SYNPO2: variants seen among roughly 807,000 people sequenced by gnomAD.
SYNPO2 encodes synaptopodin 2, also known as synaptopodin-2.
In SYNPO2, 56 loss-of-function variants were observed where a neutral mutation model predicts 85.0. The observed-to-expected ratio is 0.66, with a 90% CI of 0.53 to 0.82. SYNPO2 has a LOEUF of 0.82. Among genes scored for constraint, SYNPO2 ranks in the 40% least tolerant of loss-of-function variants. The pLI is 0.00. For missense variants in SYNPO2, 1,575 were observed against 1,534.2 expected, an observed-to-expected ratio of 1.03 and a Z score of -0.44; for synonymous variants, 602 against 591.1, an observed-to-expected ratio of 1.02 and a Z score of -0.27.
At chr4:118,977,060 C>T (rs1735788178) in intron 1 of SYNPO2, among the ~76,000 whole-genome samples, 1 of 152,252 alleles carries the variant, frequency 6.6e-6, no homozygotes, top group South Asian at 2.1e-4. Context: ...CATTCCTCAG[C>T]CCTTGGGTGG....
intron 4 of SYNPO2, among the ~76,000 whole-genome samples, chr4:119,039,209 A>T (rs962412193): frequency 2.6e-5 from 4 of 152,190 alleles, no homozygotes; most frequent in Non-Finnish European, 4.4e-5. Context: ...TCCCACTTTA[A>T]GATGAGAAAA....
At chr4:118,919,693 A>G (rs532172543) in intron 1 of SYNPO2, among the ~76,000 whole-genome samples, 8 of 152,316 alleles carry the variant, frequency 5.3e-5, no homozygotes, top group African/African-American at 1.9e-4. Flanking sequence ...AGAAGGTGGA[A>G]TATATAGCTC....
At chr4:118,873,959 T>A (rs1731851585) in intron 1 of SYNPO2, among the ~76,000 whole-genome samples, 1 of 152,040 alleles carries the variant, frequency 6.6e-6, no homozygotes, top group Non-Finnish European at 1.5e-5. Context: ...CACCGGCATT[T>A]ATTAAAAAGA....
At position 118,929,544 on chromosome 4, in the gene SYNPO2, TAGA is replaced by T. The variant is rs148144340; in HGVS notation, c.105+40408_105+40410del. ...TGAAGAGCTGTCTTTTAGTTTTTAATAGAAGAACTTGTACTTCATTTATTCTTC... is the reference window on the plus strand; with the variant it reads ...TGAAGAGCTGTCTTTTAGTTTTTAATAGAACTTGTACTTCATTTATTCTTC... On this transcript the variant is annotated intron_variant, in intron 1 of 4. Transcript: ENST00000307142. 8.2e-3 allele frequency among the ~76,000 whole-genome samples: 1,249 copies of T among 152,314 alleles called. 11 individuals are homozygous for T. The highest frequency in any genetic ancestry group is 0.028 in the African/African-American group (1,172 of 41,590).
chr4:119,025,029 A>G (rs1384853409), intron 2 of SYNPO2, among the ~76,000 whole-genome samples: 1 of 152,208 alleles, frequency 6.6e-6, no homozygotes, highest in East Asian at 1.9e-4. Context: ...ATGAATACCT[A>G]TGTAGACTGA....
chr4:119,057,662 C>T lies in SYNPO2; in HGVS notation c.3514C>T (p.Pro1172Ser), dbSNP rs149244097. The T allele has an allele frequency of 7.7e-5, 125 of 1,614,098 alleles. No individual in the cohort carries two copies. The highest frequency in any genetic ancestry group is 1.0e-4 in the Non-Finnish European group (122 of 1,180,038). ...SAARRKVLPGPPEDWNERLSY... is the reference protein window; with the variant it reads ...SAARRKVLPGSPEDWNERLSY... The stretch of plus-strand genomic sequence containing the variant: ...AGCTCGGAGGAAGGTGCTTCCAGGG[C>T]CTCCAGAGGATTGGAATGAAAGACT... The change falls in exon 5 of 5, where the codon CCT (proline) becomes TCT (serine). Residue 1172 changes from proline (P) to serine (S), a missense_variant. Pro to Ser is a moderately conservative substitution (Grantham distance 74). This residue lies in a region of SYNPO2 where 1,508 missense variants were observed against 1,446.8 expected (regional missense o/e 1.04). Coordinates refer to ENST00000307142, the MANE Select transcript of SYNPO2 (RefSeq NM_133477.3).
At chr4:118,985,794 C>T (rs537780193) in intron 1 of SYNPO2, among the ~76,000 whole-genome samples, 1 of 152,334 alleles carries the variant, frequency 6.6e-6, no homozygotes, top group Non-Finnish European at 1.5e-5. Flanking sequence ...TAATTCTGTA[C>T]CATGTCATCC....
intron 1 of SYNPO2, among the ~76,000 whole-genome samples, chr4:118,864,155 C>A (rs1275662748): frequency 6.6e-6 from 1 of 152,060 alleles, no homozygotes; most frequent in African/African-American, 2.4e-5. Context: ...TGTTGTACTT[C>A]CATTATTATT....
rs79236991 is a variant in SYNPO2, at chr4:119,038,093, A to G, written c.3252+6066A>G. On this transcript the variant is annotated intron_variant, in intron 4 of 4. Transcript: ENST00000307142. ...CAGTGGATTAGGGTTAGATTTAGATATTTGTCTGGCATCCAAACCTGTGCT... is the reference window on the plus strand; with the variant it reads ...CAGTGGATTAGGGTTAGATTTAGATGTTTGTCTGGCATCCAAACCTGTGCT... 1.6e-5 allele frequency: 15 copies of G among 959,214 alleles called. No homozygotes were observed. The East Asian group carries it at 1.6e-3, about 103-fold the overall frequency. The allele number at this position is 959,214 out of a possible 1,614,324, so 59.4% of individuals were successfully genotyped here.
chr4:118,963,110 C>T (rs7673333), intron 1 of SYNPO2, among the ~76,000 whole-genome samples: 101,489 of 152,012 alleles, frequency 0.67, 34,548 homozygotes, highest in South Asian at 0.78. Context: ...CATTTAATTC[C>T]AAGAAAAAGG....
chr4:119,002,089 T>C (rs1736841503), intron 1 of SYNPO2, among the ~76,000 whole-genome samples: 1 of 152,212 alleles, frequency 6.6e-6, no homozygotes, highest in South Asian at 2.1e-4. Context: ...AGCCAGGTAG[T>C]ATGTTAGGAA....
chr4:118,928,340 G>A (rs934841790), intron 1 of SYNPO2, among the ~76,000 whole-genome samples: 7 of 152,020 alleles, frequency 4.6e-5, no homozygotes, highest in Admixed American at 2.0e-4. Flanking sequence ...TACACTGAAG[G>A]AAAAAACCCT....
At chr4:119,004,591 GT>G (rs1175984898) in intron 1 of SYNPO2, among the ~76,000 whole-genome samples, 2 of 147,326 alleles carry the variant, frequency 1.4e-5, no homozygotes, top group African/African-American at 2.5e-5. Context: ...ATTCCATGGG[GT>G]ATATGTGCCA....
In SYNPO2 at chr4:118,998,616, T is replaced by C. The variant is rs559711748; in HGVS notation, c.106-24814T>C. ...TCACAGAGAAAGTCACCTTAGAGTG[T>C]GACTCAAGATCACTGAGGTCTGTGC... is the stretch of plus-strand genomic sequence containing the variant. On this transcript the variant is annotated intron_variant, in intron 1 of 4. Coordinates refer to ENST00000307142, the MANE Select transcript of SYNPO2 (RefSeq NM_133477.3). Among the ~76,000 whole-genome samples, 3 of 152,342 alleles carry C rather than the reference T, an allele frequency of 2.0e-5. No homozygotes were observed. The South Asian group carries it at 6.2e-4, about 32-fold the overall frequency.
At chr4:118,997,196 C>T (rs1414172044) in intron 1 of SYNPO2, among the ~76,000 whole-genome samples, 1 of 139,040 alleles carries the variant, frequency 7.2e-6, no homozygotes, top group East Asian at 2.1e-4. Flanking sequence ...GCCGAGATCC[C>T]GCCACTGCAC....
At chr4:118,924,056 T>C (rs1412644618) in intron 1 of SYNPO2, among the ~76,000 whole-genome samples, 1 of 152,180 alleles carries the variant, frequency 6.6e-6, no homozygotes, top group Non-Finnish European at 1.5e-5. Context: ...GCTGTCTAGA[T>C]ACATCAGATT....
At chr4:118,983,038 A>G (rs1036878553) in intron 1 of SYNPO2, among the ~76,000 whole-genome samples, 5 of 148,796 alleles carry the variant, frequency 3.4e-5, no homozygotes, top group African/African-American at 1.2e-4. Context: ...TCAATATCCT[A>G]TCAAATTGCT....
At chr4:119,023,618 A>G (rs1406621864) in intron 2 of SYNPO2, 37 bp downstream of exon 2, 2 of 1,592,918 alleles carry the variant, frequency 1.3e-6, no homozygotes, top group African/African-American at 2.7e-5. Flanking sequence ...TTTTCTCTTG[A>G]AGCTACATGG....
At chr4:119,036,873 A>T in intron 4 of SYNPO2, 1 of 1,150,768 alleles carries the variant, frequency 8.7e-7, no homozygotes, top group Non-Finnish European at 1.1e-6. Context: ...CCTGTCAAAC[A>T]TTTCTCAAAC....
Sources: gnomAD v4.1 joint callset for allele counts (sites outside exome capture counted in the v4.1 genomes callset) on GRCh38, gnomAD v4.1.1 for gene constraint, gnomAD v4.1.1 regional missense constraint, MANE v1.5 for transcripts, NCBI Gene and HGNC (gene_info 2026-07-23, HGNC 2026-07-21) for gene names.